The following PRKAA1 variants were observed in gnomAD, a reference collection of about 807,000 sequenced individuals.
PRKAA1 encodes the protein protein kinase AMP-activated catalytic subunit alpha 1, also known as 5'-AMP-activated protein kinase catalytic subunit alpha-1.
A neutral mutation model predicts 56.9 loss-of-function variants in PRKAA1; 23 were observed. The ratio of observed to expected loss-of-function variants is 0.40; its 90% confidence interval spans 0.29 to 0.57. PRKAA1 has a LOEUF of 0.57. Ranked by LOEUF, PRKAA1 falls within the 20% of genes least tolerant of loss-of-function variation. The pLI is 0.39. For missense variants in PRKAA1, 413 were observed against 679.7 expected, an observed-to-expected ratio of 0.61 and a Z score of 4.36; for synonymous variants, 226 against 227.0, an observed-to-expected ratio of 1.00 and a Z score of 0.04.
At chr5:40,776,248 T>A (rs766546549) in intron 2 of PRKAA1, among the ~76,000 whole-genome samples, 4 of 152,064 alleles carry the variant, frequency 2.6e-5, no homozygotes, top group Non-Finnish European at 5.9e-5. Context: ...AAATGCATGG[T>A]AGAAAGTGAA....
In PRKAA1 at chr5:40,798,221, AGGGCCGCGCC is replaced by A. The variant is rs1561195296; in HGVS notation, c.-42_-33del. 1.1e-5 allele frequency: 1 copy of A among 93,802 alleles called. No homozygotes were observed. The highest frequency in any genetic ancestry group is 2.1e-5 in the Non-Finnish European group (1 of 47,662). The allele number at this position is 93,802 out of a possible 1,614,324, so 5.8% of individuals were successfully genotyped here. A position where few individuals can be genotyped will look rare whatever the true frequency, so the allele number is the denominator to read the frequency against. ...GCGGGAGGGGGCGGAGGGGGCGGGC[AGGGCCGCGCC>A]GGGGGCGGGCGGGGAGGGGGTGGGG... On this transcript the variant is annotated 5_prime_UTR_variant, in exon 1 of 9. Coordinates refer to ENST00000397128, the MANE Select transcript of PRKAA1 (RefSeq NM_006251.6).
At chr5:40,767,116 T>C (rs1435872682) in intron 6 of PRKAA1, among the ~76,000 whole-genome samples, 1 of 152,172 alleles carries the variant, frequency 6.6e-6, no homozygotes, top group African/African-American at 2.4e-5. Context: ...CATGATCCTC[T>C]TTCCTCAGCT....
At chr5:40,788,544 G>A (rs1276294559) in intron 1 of PRKAA1, among the ~76,000 whole-genome samples, 1 of 152,068 alleles carries the variant, frequency 6.6e-6, no homozygotes, top group African/African-American at 2.4e-5. Flanking sequence ...CTTCTGAACA[G>A]CAAAAAACAA....
chr5:40,789,510 T>C (rs367957908), intron 1 of PRKAA1, among the ~76,000 whole-genome samples: 13 of 152,186 alleles, frequency 8.5e-5, no homozygotes, highest in African/African-American at 2.4e-4. Context: ...TTACTGAGTA[T>C]ATATCCAAAG....
chr5:40,785,839 CAGAGAGAGAGAG>C (rs10594859), intron 1 of PRKAA1, among the ~76,000 whole-genome samples: 6 of 58,482 alleles, frequency 1.0e-4, no homozygotes, highest in South Asian at 7.5e-4. Context: ...CACACACACA[CAGAGAGAGAGAG>C]AGAGAGAGAG....
At chr5:40,780,181 T>G (rs1744207564) in intron 1 of PRKAA1, among the ~76,000 whole-genome samples, 1 of 152,200 alleles carries the variant, frequency 6.6e-6, no homozygotes, top group South Asian at 2.1e-4. Context: ...AGAAATCTGG[T>G]TATTGCTTGG....
At position 40,764,723 on chromosome 5, in the gene PRKAA1, T is replaced by G; in HGVS notation, c.1308+29A>C. The G allele has an allele frequency of 1.2e-6, 2 of 1,604,142 alleles. 1 individual carries two copies. Among genetic ancestry groups the G allele is most frequent in the East Asian group, 4.5e-5 (2 of 44,708 alleles). Reference sequence around the variant, plus strand: ...TAGACTATGGGTTTGCCAAATATGCTAATAATCAAAATGTTATTTCTTTCT... The same window carrying G: ...TAGACTATGGGTTTGCCAAATATGCGAATAATCAAAATGTTATTTCTTTCT... On this transcript the variant is annotated intron_variant, in intron 7 of 8. Coordinates refer to ENST00000397128, the MANE Select transcript of PRKAA1 (RefSeq NM_006251.6).
chr5:40,795,399 A>G (rs1744885205), intron 1 of PRKAA1, among the ~76,000 whole-genome samples: 1 of 152,204 alleles, frequency 6.6e-6, no homozygotes, highest in African/African-American at 2.4e-5. Context: ...AAAATTTAAA[A>G]AATAAAACAA....
Position 40,762,577 on chromosome 5 carries a change from A to G in PRKAA1, c.*201T>C, listed in dbSNP as rs542669433. The stretch of plus-strand genomic sequence containing the variant: ...ATATTATGCTATATACATACTGCAC[A>G]ATGAACAACAAAATGATCTTAATTC... On this transcript the variant is annotated 3_prime_UTR_variant, in exon 9 of 9. Coordinates refer to ENST00000397128, the MANE Select transcript of PRKAA1 (RefSeq NM_006251.6). The G allele has an allele frequency of 1.6e-6, 1 of 630,194 alleles. No homozygotes were observed. Among genetic ancestry groups the G allele is most frequent in the East Asian group, 3.1e-5 (1 of 31,792 alleles). The allele number at this position is 630,194 out of a possible 1,614,324, so 39.0% of individuals were successfully genotyped here. A position where few individuals can be genotyped will look rare whatever the true frequency, so the allele number is the denominator to read the frequency against.
At chr5:40,778,779 ATTTTTTT>A (rs70988808) in intron 1 of PRKAA1, among the ~76,000 whole-genome samples, 8 of 57,800 alleles carry the variant, frequency 1.4e-4, no homozygotes, top group Non-Finnish European at 2.1e-4. Flanking sequence ...CTGTTTTTTA[ATTTTTTT>A]TTTTTTTTTT....
chr5:40,790,687 A>G (rs1344742347), intron 1 of PRKAA1, among the ~76,000 whole-genome samples: 1 of 151,928 alleles, frequency 6.6e-6, no homozygotes, highest in Non-Finnish European at 1.5e-5. Flanking sequence ...CAACAGGCGC[A>G]TGCCACCACA....
intron 1 of PRKAA1, among the ~76,000 whole-genome samples, chr5:40,785,809 C>A (rs898023386): frequency 6.7e-6 from 1 of 148,500 alleles, no homozygotes; most frequent in Non-Finnish European, 1.5e-5. Context: ...GGTATCCTTA[C>A]AAGAAGAGGA....
chr5:40,764,487 C>G, intron 8 of PRKAA1, 27 bp downstream of exon 8: 1 of 1,589,406 alleles, frequency 6.3e-7, no homozygotes, highest in Non-Finnish European at 8.6e-7. Context: ...AAGGTCTAAT[C>G]TATGTTGTTT....
At chr5:40,792,222 T>C (rs773711251) in intron 1 of PRKAA1, among the ~76,000 whole-genome samples, 22 of 152,234 alleles carry the variant, frequency 1.4e-4, no homozygotes, top group Non-Finnish European at 3.2e-4. Context: ...TTGAACACAC[T>C]GTTCTACTTT....
chr5:40,782,314 A>C (rs983194139), intron 1 of PRKAA1, among the ~76,000 whole-genome samples: 4 of 152,224 alleles, frequency 2.6e-5, no homozygotes, highest in African/African-American at 9.6e-5. Flanking sequence ...AGGAACTGGA[A>C]TAGGAATTCA....
At position 40,798,050 on chromosome 5, in the gene PRKAA1, G is replaced by A. The variant is rs558895607; in HGVS notation, c.127+13C>T. On this transcript the variant is annotated intron_variant, in intron 1 of 8. Transcript: ENST00000397128. ...CTCAGCTGGGGCCAAGCCTAGTCCC[G>A]CGGGGTTCTCACCCTTCACTTTGCC... The A allele has an allele frequency of 1.9e-6, 3 of 1,606,926 alleles. No homozygotes were observed. The Admixed American group carries it at 5.0e-5, about 27-fold the overall frequency.
At chr5:40,763,497 T>G (rs999967085) in intron 8 of PRKAA1, among the ~76,000 whole-genome samples, 12 of 152,078 alleles carry the variant, frequency 7.9e-5, no homozygotes, top group African/African-American at 2.7e-4. Flanking sequence ...AGAACCCAAC[T>G]CTCCTAAGTC....
intron 3 of PRKAA1, among the ~76,000 whole-genome samples, chr5:40,773,300 CAAATATGAAA>C (rs1743836358): frequency 6.6e-6 from 1 of 151,524 alleles, no homozygotes; most frequent in South Asian, 2.1e-4. Context: ...AGTATCTGTT[CAAATATGAAA>C]AAATAGGAGA....
At chr5:40,774,999 A>G (rs767046421) in intron 3 of PRKAA1, 119 of 1,557,920 alleles carry the variant, frequency 7.6e-5, no homozygotes, top group Non-Finnish European at 1.0e-4. Flanking sequence ...AATGCAATTT[A>G]AATGTGGCTA....
Sources: allele counts gnomAD v4.1 joint callset (sites outside exome capture counted in the v4.1 genomes callset), GRCh38; gene constraint gnomAD v4.1.1; transcripts MANE v1.5; gene names NCBI Gene and HGNC (gene_info 2026-07-23, HGNC 2026-07-21).